Variants in NKAIN3 observed in about 807,000 individuals in gnomAD.
The protein encoded by NKAIN3 is sodium/potassium-transporting ATPase subunit beta-1-interacting protein 3.
In NKAIN3, 25 loss-of-function variants were observed where a neutral mutation model predicts 30.2. The observed-to-expected ratio is 0.83, with a 90% confidence interval of 0.60 to 1.16. The LOEUF is 1.16. Among genes scored for constraint, NKAIN3 ranks in the 50% most tolerant of loss-of-function variants. The probability of loss-of-function intolerance (pLI) is 0.00; values close to 1 mark genes in which losing one functional copy is unlikely to be tolerated. For synonymous variants in NKAIN3, 91 were observed against 89.6 expected (o/e 1.02, Z -0.09); for missense variants, 225 against 254.1 (o/e 0.89, Z 0.78).
chr8:62,691,541 A>G (rs561747203), intron 3 of NKAIN3, among the ~76,000 whole-genome samples: 8 of 152,124 alleles, frequency 5.3e-5, no homozygotes, highest in Non-Finnish European at 8.8e-5. Flanking sequence ...TGTTGTTGCT[A>G]TTGGTTTGTG....
At chr8:62,285,193 C>T (rs1357719394) in intron 1 of NKAIN3, among the ~76,000 whole-genome samples, 1 of 152,132 alleles carries the variant, frequency 6.6e-6, no homozygotes, top group Non-Finnish European at 1.5e-5. Context: ...AAGAAAACGT[C>T]ACTGTAAAAT....
Position 62,314,651 on chromosome 8 carries a change from G to A in NKAIN3, c.54+65524G>A, listed in dbSNP as rs543390243. Among the ~76,000 whole-genome samples the A allele has an allele frequency of 1.3e-4, 20 of 152,278 alleles. No homozygotes were observed. The South Asian group carries it at 1.9e-3, about 14-fold the overall frequency. On this transcript the variant is annotated intron_variant, in intron 1 of 6. Transcript: ENST00000623646. ...GTAGATTCTAAGCATTAGGTCACTC[G>A]CTTGTCAAGCTAGGTTCTGGAACTT...
chr8:62,940,923 C>T (rs1331470718), intron 5 of NKAIN3, among the ~76,000 whole-genome samples: 2 of 149,242 alleles, frequency 1.3e-5, no homozygotes, highest in Non-Finnish European at 3.0e-5. Flanking sequence ...CAGAGCAGAA[C>T]CAAATATATT....
At chr8:62,910,881 T>A (rs948641996) in intron 4 of NKAIN3, among the ~76,000 whole-genome samples, 1 of 152,150 alleles carries the variant, frequency 6.6e-6, no homozygotes, top group Non-Finnish European at 1.5e-5. Context: ...TCAAGAGACG[T>A]TCTCATCAAT....
intron 1 of NKAIN3, among the ~76,000 whole-genome samples, chr8:62,537,169 C>T (rs988517404): frequency 1.3e-5 from 2 of 152,102 alleles, no homozygotes; most frequent in African/African-American, 2.4e-5. Flanking sequence ...GGCAATTAAA[C>T]TTAGGAAGAA....
At chr8:62,501,390 G>T (rs547424949) in intron 1 of NKAIN3, among the ~76,000 whole-genome samples, 6 of 151,910 alleles carry the variant, frequency 3.9e-5, no homozygotes, top group Non-Finnish European at 8.8e-5. Flanking sequence ...CATTGATTTC[G>T]TTCCTTTTGG....
intron 2 of NKAIN3, among the ~76,000 whole-genome samples, chr8:62,583,627 C>T (rs1047974008): frequency 6.6e-6 from 1 of 152,172 alleles, no homozygotes; most frequent in Non-Finnish European, 1.5e-5. Flanking sequence ...TAGTGGGCAG[C>T]AGAACTGGGT....
intron 4 of NKAIN3, among the ~76,000 whole-genome samples, chr8:62,848,584 T>A (rs1268834876): frequency 6.6e-6 from 1 of 152,190 alleles, no homozygotes; most frequent in African/African-American, 2.4e-5. Context: ...GACGATGGGA[T>A]ATTCTAGACA....
chr8:62,314,269 C>T (rs1021438942), intron 1 of NKAIN3, among the ~76,000 whole-genome samples: 1 of 152,092 alleles, frequency 6.6e-6, no homozygotes, highest in African/African-American at 2.4e-5. Context: ...AAAACCACCC[C>T]AGAAAATGCT....
chr8:62,867,535 A>G (rs1820465328), intron 4 of NKAIN3, among the ~76,000 whole-genome samples: 1 of 152,180 alleles, frequency 6.6e-6, no homozygotes, highest in African/African-American at 2.4e-5. Flanking sequence ...GAATTGATTG[A>G]CCAATGTCTG....
chr8:62,674,978 G>A (rs1037850242), intron 3 of NKAIN3, among the ~76,000 whole-genome samples: 2 of 152,174 alleles, frequency 1.3e-5, no homozygotes, highest in Non-Finnish European at 2.9e-5. Flanking sequence ...AGACACACAG[G>A]CGTCCACATG....
chr8:62,848,935 C>A (rs1397521207), intron 4 of NKAIN3, among the ~76,000 whole-genome samples: 1 of 151,734 alleles, frequency 6.6e-6, no homozygotes, highest in African/African-American at 2.4e-5. Flanking sequence ...TGGTTTTTGT[C>A]CTTAGATCTG....
At chr8:62,932,034 T>C (rs1585590427) in intron 5 of NKAIN3, among the ~76,000 whole-genome samples, 1 of 152,216 alleles carries the variant, frequency 6.6e-6, no homozygotes, top group Non-Finnish European at 1.5e-5. Flanking sequence ...AAAGCATTTA[T>C]AGTCCAGAGG....
intron 4 of NKAIN3, among the ~76,000 whole-genome samples, chr8:62,913,665 C>A (rs1036285997): frequency 2.6e-5 from 4 of 152,046 alleles, no homozygotes; most frequent in African/African-American, 9.7e-5. Flanking sequence ...TTGGAAGAAT[C>A]CATGCATTAA....
chr8:62,319,174 G>C (rs1253555453), intron 1 of NKAIN3, among the ~76,000 whole-genome samples: 1 of 152,102 alleles, frequency 6.6e-6, no homozygotes, highest in Non-Finnish European at 1.5e-5. Flanking sequence ...GGGATCAGTG[G>C]TGATATCCCC....
intron 3 of NKAIN3, among the ~76,000 whole-genome samples, chr8:62,670,326 T>G (rs186595924): frequency 7.9e-5 from 12 of 152,228 alleles, no homozygotes; most frequent in Admixed American, 6.5e-4. Context: ...ATAAAGAACA[T>G]CTAATCATAG....
intron 6 of NKAIN3, among the ~76,000 whole-genome samples, chr8:62,957,283 G>C (rs4737620): frequency 0.089 from 13,551 of 152,036 alleles, 845 homozygotes; most frequent in East Asian, 0.28. Flanking sequence ...ATAGGCGCCC[G>C]CCACCACGCC....
chr8:62,956,774 G>C (rs965351806), intron 6 of NKAIN3, among the ~76,000 whole-genome samples: 4 of 152,166 alleles, frequency 2.6e-5, no homozygotes, highest in Non-Finnish European at 1.5e-5. Flanking sequence ...GAGATATAAA[G>C]ATAAATGATA....
In NKAIN3 at chr8:62,975,844, T is replaced by C. The variant is rs1333115826; in HGVS notation, c.*10437T>C. On this transcript the variant is annotated 3_prime_UTR_variant, in exon 7 of 7. Transcript: ENST00000623646. Reference sequence around the variant, plus strand: ...GGTCTATAAATTTCCTTCTAAGCACTCCCTCTAAGCTCTATCCCAGAGATT... The same window carrying C: ...GGTCTATAAATTTCCTTCTAAGCACCCCCTCTAAGCTCTATCCCAGAGATT... Among the ~76,000 whole-genome samples, 1 of 152,200 alleles carries C rather than the reference T, an allele frequency of 6.6e-6. No individual in the cohort carries two copies. The highest frequency in any genetic ancestry group is 1.5e-5 in the Non-Finnish European group (1 of 68,022).
Sources: allele counts gnomAD v4.1 joint callset (sites outside exome capture counted in the v4.1 genomes callset), GRCh38; gene constraint gnomAD v4.1.1; transcripts MANE v1.5; gene names NCBI Gene and HGNC (gene_info 2026-07-23, HGNC 2026-07-21).